The following KCNC2 variants were observed in gnomAD, a reference collection of about 807,000 sequenced individuals.
The protein encoded by KCNC2 is potassium voltage-gated channel subfamily C member 2, also known as voltage-gated potassium channel KCNC2.
Under a neutral mutation model 44.5 loss-of-function variants are expected in KCNC2, and 21 were observed. The ratio of observed to expected loss-of-function variants is 0.47; its 90% CI spans 0.33 to 0.68. The LOEUF is 0.68. Among genes scored for constraint, KCNC2 ranks in the 30% least tolerant of loss-of-function variants. KCNC2 has a pLI of 0.01. For missense variants in KCNC2, 589 were observed against 826.2 expected (o/e 0.71, Z 3.52); for synonymous variants, 391 against 339.1 (o/e 1.15, Z -1.68).
At chr12:75,178,540 A>G (rs2137626637) in intron 2 of KCNC2, among the ~76,000 whole-genome samples, 1 of 152,106 alleles carries the variant, frequency 6.6e-6, no homozygotes, top group Non-Finnish European at 1.5e-5. Context: ...ATTGAAACAT[A>G]CCCTAGATTT....
At chr12:75,062,069 G>A (rs1882399626) in intron 2 of KCNC2, among the ~76,000 whole-genome samples, 1 of 152,000 alleles carries the variant, frequency 6.6e-6, no homozygotes, top group African/African-American at 2.4e-5. Context: ...ATAAAATTCA[G>A]TGAATTCATC....
intron 2 of KCNC2, among the ~76,000 whole-genome samples, chr12:75,173,870 G>T (rs972008098): frequency 6.6e-6 from 1 of 151,742 alleles, no homozygotes; most frequent in Non-Finnish European, 1.5e-5. Flanking sequence ...TCCTTGATTT[G>T]ATCTTAAAAC....
chr12:75,088,583 TA>T, intron 2 of KCNC2, among the ~76,000 whole-genome samples: 1 of 152,076 alleles, frequency 6.6e-6, no homozygotes, highest in African/African-American at 2.4e-5. Context: ...CAGTCATAGT[TA>T]TGCTCTCTTT....
chr12:75,162,201 A>G (rs767986192), intron 2 of KCNC2, among the ~76,000 whole-genome samples: 16 of 151,658 alleles, frequency 1.1e-4, no homozygotes, highest in Non-Finnish European at 2.4e-4. Flanking sequence ...CTCAAGATAT[A>G]TTTTTTTAAA....
At chr12:75,202,802 T>TC (rs386377010) in intron 2 of KCNC2, among the ~76,000 whole-genome samples, 1 of 151,476 alleles carries the variant, frequency 6.6e-6, no homozygotes, top group Non-Finnish European at 1.5e-5. Flanking sequence ...TGAGTTTTTT[T>TC]TTTTTAGGAA....
rs1884061263 is a variant in KCNC2 at position 75,077,173 on chromosome 12, T to A, written c.688-25856A>T. Among the ~76,000 whole-genome samples, 3 of 152,168 alleles carry A rather than the reference T, an allele frequency of 2.0e-5. No individual in the cohort carries two copies. The South Asian group carries it at 6.2e-4, about 32-fold the overall frequency. Reference sequence around the variant, plus strand: ...TATTCCCTAATACAAGATAATTTCATTAAGTTTAGTCCTCATGTACACCAC... The same window carrying A: ...TATTCCCTAATACAAGATAATTTCAATAAGTTTAGTCCTCATGTACACCAC... On this transcript the variant is annotated intron_variant, in intron 2 of 4. Transcript: ENST00000549446.
At chr12:75,155,513 C>T (rs879262889) in intron 2 of KCNC2, among the ~76,000 whole-genome samples, 1 of 151,670 alleles carries the variant, frequency 6.6e-6, no homozygotes, top group Non-Finnish European at 1.5e-5. Flanking sequence ...CCAATTAATG[C>T]ATATTTCCTT....
intron 2 of KCNC2, among the ~76,000 whole-genome samples, chr12:75,197,631 C>A (rs866278554): frequency 6.6e-6 from 1 of 151,940 alleles, no homozygotes; most frequent in Non-Finnish European, 1.5e-5. Context: ...CTAGTTCTGG[C>A]CAACAGTTGA....
chr12:75,173,710 A>G (rs888875445), intron 2 of KCNC2, among the ~76,000 whole-genome samples: 2 of 151,862 alleles, frequency 1.3e-5, no homozygotes, highest in Non-Finnish European at 2.9e-5. Context: ...CAGAAAGTTT[A>G]TAATAATAAA....
chr12:75,140,477 A>G (rs1889566852), intron 2 of KCNC2, among the ~76,000 whole-genome samples: 1 of 152,254 alleles, frequency 6.6e-6, no homozygotes, highest in Non-Finnish European at 1.5e-5. Context: ...GTAAAGAATT[A>G]TAAAAATAAA....
chr12:75,191,006 T>C (rs1006438623), intron 2 of KCNC2, among the ~76,000 whole-genome samples: 1 of 152,094 alleles, frequency 6.6e-6, no homozygotes, highest in African/African-American at 2.4e-5. Flanking sequence ...AAGATAACTA[T>C]ACCTATGATT....
At chr12:75,048,799 C>G (rs1880842213) in intron 3 of KCNC2, among the ~76,000 whole-genome samples, 1 of 152,016 alleles carries the variant, frequency 6.6e-6, no homozygotes, top group Non-Finnish European at 1.5e-5. Flanking sequence ...AAAAATTATT[C>G]CAAAGCACAC....
At chr12:75,059,275 A>G (rs1882062797) in intron 2 of KCNC2, among the ~76,000 whole-genome samples, 1 of 152,130 alleles carries the variant, frequency 6.6e-6, no homozygotes, top group Non-Finnish European at 1.5e-5. Flanking sequence ...CTTTCACATC[A>G]TGGTCTAGGG....
chr12:75,182,535 A>AC (rs1892667398), intron 2 of KCNC2, among the ~76,000 whole-genome samples: 1 of 138,076 alleles, frequency 7.2e-6, no homozygotes, highest in African/African-American at 2.6e-5. Flanking sequence ...AAAAAAAAAA[A>AC]AACAAAAAAA....
At chr12:75,085,386 T>C (rs1884914254) in intron 2 of KCNC2, among the ~76,000 whole-genome samples, 1 of 152,104 alleles carries the variant, frequency 6.6e-6, no homozygotes, top group African/African-American at 2.4e-5. Context: ...GGGAGAATTA[T>C]AATAATGGCA....
In KCNC2 at chr12:75,041,459, A is replaced by G; in HGVS notation, c.*1646T>C. The G allele has an allele frequency of 1.6e-6, 2 of 1,257,512 alleles. No individual in the cohort carries two copies. Among genetic ancestry groups the G allele is most frequent in the Non-Finnish European group, 2.0e-6 (2 of 991,520 alleles). The allele number at this position is 1,257,512 out of a possible 1,614,324, so 77.9% of individuals were successfully genotyped here. On this transcript the variant is annotated 3_prime_UTR_variant, in exon 5 of 5. Coordinates refer to ENST00000549446, the MANE Select transcript of KCNC2 (RefSeq NM_139137.4). ...GTGACAATTGTCTTCCTAACAAAAA[A>G]TAAACATGAGAAATAGGAATTAATC...
chr12:75,047,273 G>A (rs548902213), intron 4 of KCNC2, among the ~76,000 whole-genome samples: 142 of 151,802 alleles, frequency 9.4e-4, no homozygotes, highest in Non-Finnish European at 1.7e-3. Context: ...TTTTTAAAGG[G>A]GAGGAAAAGA....
At chr12:75,155,277 C>A (rs1334634044) in intron 2 of KCNC2, among the ~76,000 whole-genome samples, 1 of 151,808 alleles carries the variant, frequency 6.6e-6, no homozygotes, top group Admixed American at 6.6e-5. Flanking sequence ...GTGATGAATT[C>A]AAGTTTTCTC....
intron 2 of KCNC2, among the ~76,000 whole-genome samples, chr12:75,087,456 A>ATGC (rs1389479459): frequency 6.6e-6 from 1 of 152,108 alleles, no homozygotes; most frequent in Non-Finnish European, 1.5e-5. Context: ...AATTATTCCT[A>ATGC]TGCTTGGCCA....
Sources: gnomAD v4.1 joint callset for allele counts (sites outside exome capture counted in the v4.1 genomes callset) on GRCh38, gnomAD v4.1.1 for gene constraint, MANE v1.5 for transcripts, NCBI Gene and HGNC (gene_info 2026-07-23, HGNC 2026-07-21) for gene names.